The following TNFRSF1B variants were observed in gnomAD, a reference collection of about 807,000 sequenced individuals.
TNFRSF1B encodes tumor necrosis factor receptor superfamily member 1B.
Under a neutral mutation model 44.6 loss-of-function variants are expected in TNFRSF1B, and 19 were observed. The ratio of observed to expected loss-of-function variants is 0.43; its 90% confidence interval spans 0.30 to 0.62. The LOEUF (loss-of-function observed/expected upper bound fraction) is 0.62. TNFRSF1B is among the 20% of genes least tolerant of loss of function. The pLI, the probability that TNFRSF1B is intolerant of heterozygous loss-of-function variation, is 0.16. For synonymous variants in TNFRSF1B, 252 were observed against 261.1 expected (o/e 0.97, Z 0.34); for missense variants, 541 against 619.9 (o/e 0.87, Z 1.35).
rs777939128 is a variant in TNFRSF1B, at chr1:12,187,404, C to T, written c.79-1392C>T. Among the ~76,000 whole-genome samples the T allele has an allele frequency of 2.0e-5, 3 of 152,178 alleles. No individual in the cohort carries two copies. Among genetic ancestry groups the T allele is most frequent in the East Asian group, 1.9e-4 (1 of 5,180 alleles). ...TTGACCTCAAGTGATCCACCTGCTTCGGCCTCCCAAAGTGCTGGGATTACA... is the reference window on the plus strand; with the variant it reads ...TTGACCTCAAGTGATCCACCTGCTTTGGCCTCCCAAAGTGCTGGGATTACA... On this transcript the variant is annotated intron_variant, in intron 1 of 9. Coordinates refer to ENST00000376259, the MANE Select transcript of TNFRSF1B (RefSeq NM_001066.3). The surrounding 1 kb of genome is among the most constrained non-coding windows in gnomAD (Gnocchi z 5.5).
chr1:12,178,055 C>G lies in TNFRSF1B; in HGVS notation c.79-10741C>G, dbSNP rs922413484. 6.6e-6 allele frequency among the ~76,000 whole-genome samples: 1 copy of G among 152,220 alleles called. No individual in the cohort carries two copies. The highest frequency in any genetic ancestry group is 6.5e-5 in the Admixed American group (1 of 15,284). ...TCCTGAGCGCTATGCCTACCTCACC[C>G]TCCAATGAGGTGGTGGTGGAGGAGA... On this transcript the variant is annotated intron_variant, in intron 1 of 9. Transcript: ENST00000376259. The surrounding 1 kb of genome is among the most constrained non-coding windows in gnomAD (Gnocchi z 4.3).
At position 12,206,830 on chromosome 1, in the gene TNFRSF1B, C is replaced by T. The variant is rs780013560; in HGVS notation, c.1196C>T (p.Ser399Phe). The T allele has an allele frequency of 6.2e-7, 1 of 1,614,216 alleles. No homozygotes were observed. The highest frequency in any genetic ancestry group is 8.5e-7 in the Non-Finnish European group (1 of 1,180,024). ...SSSDHSSQCS[S>F]QASSTMGDTD... Reference sequence around the variant, plus strand: ...TCTGACCACAGCTCACAGTGCTCCTCCCAAGCCAGCTCCACAATGGGAGAC... The same window carrying T: ...TCTGACCACAGCTCACAGTGCTCCTTCCAAGCCAGCTCCACAATGGGAGAC... The change falls in exon 10 of 10, where the codon TCC (serine) becomes TTC (phenylalanine). Residue 399 changes from serine (S) to phenylalanine (F), a missense_variant. Ser to Phe is a radical substitution (Grantham distance 155). Transcript: ENST00000376259.
chr1:12,206,375 AAAGAC>A (rs1639502815), intron 9 of TNFRSF1B, among the ~76,000 whole-genome samples: 1 of 151,742 alleles, frequency 6.6e-6, no homozygotes, highest in Admixed American at 6.6e-5. Flanking sequence ...AAAAAAAAAA[AAAGAC>A]AGAAGAGACA....
rs72863473 is a variant in TNFRSF1B, at chr1:12,177,364, G to A, written c.78+10195G>A. Among the ~76,000 whole-genome samples, 990 of 152,202 alleles carry A rather than the reference G, an allele frequency of 6.5e-3. 11 individuals are homozygous for A. Among genetic ancestry groups the A allele is most frequent in the African/African-American group, 0.022 (931 of 41,520 alleles). ...ATTTGTCCCTGGAGCTTTTGCAGTC[G>A]GTCACAGGGCCAGCCCGGTCCTGGT... On this transcript the variant is annotated intron_variant, in intron 1 of 9. Coordinates refer to ENST00000376259, the MANE Select transcript of TNFRSF1B (RefSeq NM_001066.3). The surrounding 1 kb of genome is among the most constrained non-coding windows in gnomAD (Gnocchi z 4.3).
intron 7 of TNFRSF1B, among the ~76,000 whole-genome samples, chr1:12,194,357 G>A (rs1017572270): frequency 2.0e-5 from 3 of 152,088 alleles, no homozygotes; most frequent in East Asian, 1.9e-4. Context: ...GGAAGGACAC[G>A]CATCCTCAGT....
chr1:12,176,075 C>T (rs1306568922), intron 1 of TNFRSF1B, among the ~76,000 whole-genome samples: 8 of 151,700 alleles, frequency 5.3e-5, no homozygotes, highest in Admixed American at 5.3e-4. Flanking sequence ...AAAAATTAGC[C>T]AGGCGTGGTG....
intron 9 of TNFRSF1B, among the ~76,000 whole-genome samples, chr1:12,204,244 G>C (rs1397099927): frequency 2.0e-5 from 3 of 152,104 alleles, no homozygotes; most frequent in Admixed American, 2.0e-4. Flanking sequence ...AAACCCCAGG[G>C]TTGTGCCCCT....
intron 1 of TNFRSF1B, among the ~76,000 whole-genome samples, chr1:12,179,419 C>T (rs1408145471): frequency 6.6e-6 from 1 of 152,226 alleles, no homozygotes; most frequent in Non-Finnish European, 1.5e-5. Context: ...CCTCTGCTGC[C>T]TCCCACCACG....
intron 1 of TNFRSF1B, among the ~76,000 whole-genome samples, chr1:12,181,592 T>TAGACCCTCTAACCTA (rs1553163189): frequency 6.6e-6 from 1 of 152,120 alleles, no homozygotes; most frequent in East Asian, 1.9e-4. Flanking sequence ...CATATGCACA[T>TAGACCCTCTAACCTA]AGACCCTCTA....
At chr1:12,205,922 C>A (rs1018798941) in intron 9 of TNFRSF1B, among the ~76,000 whole-genome samples, 1 of 152,120 alleles carries the variant, frequency 6.6e-6, no homozygotes, top group Non-Finnish European at 1.5e-5. Context: ...GCCACCCTGC[C>A]TGGTCCAGAA....
Position 12,201,785 on chromosome 1 carries a change from C to T in TNFRSF1B, c.901-182C>T, listed in dbSNP as rs5746050. On this transcript the variant is annotated intron_variant, in intron 8 of 9. Coordinates refer to ENST00000376259, the MANE Select transcript of TNFRSF1B (RefSeq NM_001066.3). Reference sequence around the variant, plus strand: ...GCTAATAACAGAAACACAGAAACCACGGAGAATCACACCTCCCAAAAAGTG... The same window carrying T: ...GCTAATAACAGAAACACAGAAACCATGGAGAATCACACCTCCCAAAAAGTG... 2.4e-4 allele frequency among the ~76,000 whole-genome samples: 36 copies of T among 152,286 alleles called. No homozygotes were observed. In the South Asian group the frequency reaches 7.3e-3, roughly 31 times the overall value.
chr1:12,190,458 CAAAAAAAAAAA>C (rs4044499), intron 2 of TNFRSF1B, among the ~76,000 whole-genome samples: 1 of 61,518 alleles, frequency 1.6e-5, no homozygotes, highest in Admixed American at 2.0e-4. Context: ...GATTCTGTCT[CAAAAAAAAAAA>C]AAAAAAAAAA....
intron 1 of TNFRSF1B, among the ~76,000 whole-genome samples, chr1:12,183,754 TAGCTAGCTAG>T (rs1557629304): frequency 5.8e-4 from 62 of 107,316 alleles, no homozygotes; most frequent in African/African-American, 1.5e-3. Context: ...TCTATCTAGC[TAGCTAGCTAG>T]CTAGCTATCT....
In TNFRSF1B at chr1:12,180,268, T is replaced by C. The variant is rs773588705; in HGVS notation, c.79-8528T>C. Among the ~76,000 whole-genome samples the C allele has an allele frequency of 3.9e-5, 6 of 152,112 alleles. No individual in the cohort carries two copies. The highest frequency in any genetic ancestry group is 2.1e-4 in the South Asian group (1 of 4,834). Reference sequence around the variant, plus strand: ...AACATAGCAAGACCCGGTCTCTTTCTATAAATGAAAAAATAATAATAAAGC... The same window carrying C: ...AACATAGCAAGACCCGGTCTCTTTCCATAAATGAAAAAATAATAATAAAGC... On this transcript the variant is annotated intron_variant, in intron 1 of 9. Coordinates refer to ENST00000376259, the MANE Select transcript of TNFRSF1B (RefSeq NM_001066.3). This position sits in a 1 kb window ranked among gnomAD's most constrained non-coding sequence, Gnocchi z 4.3.
chr1:12,168,566 G>T lies in TNFRSF1B; in HGVS notation c.78+1397G>T, dbSNP rs1391488322. Among the ~76,000 whole-genome samples the T allele has an allele frequency of 1.3e-5, 2 of 152,128 alleles. No individual in the cohort carries two copies. The highest frequency in any genetic ancestry group is 2.9e-5 in the Non-Finnish European group (2 of 68,018). On this transcript the variant is annotated intron_variant, in intron 1 of 9. Transcript: ENST00000376259. This position sits in a 1 kb window ranked among gnomAD's most constrained non-coding sequence, Gnocchi z 4.7. ...GGGGTCTTCCTGCCGCTGAGCTTGG[G>T]CCTGCCTGGGTGAACTCTGGGGTCA...
At chr1:12,200,154 T>C (rs1179551685) in intron 8 of TNFRSF1B, among the ~76,000 whole-genome samples, 1 of 152,164 alleles carries the variant, frequency 6.6e-6, no homozygotes, top group African/African-American at 2.4e-5. Flanking sequence ...TGCCTCAGTT[T>C]CCACAAAGCA....
At chr1:12,193,917 GT>G in intron 6 of TNFRSF1B, 37 bp from the exon 7 acceptor site, 1 of 1,586,620 alleles carries the variant, frequency 6.3e-7, no homozygotes, top group Non-Finnish European at 8.7e-7. Context: ...ATTTGAGTTT[GT>G]TTTCTGTAGC....
At chr1:12,197,102 C>A (rs1011101744) in intron 8 of TNFRSF1B, among the ~76,000 whole-genome samples, 2 of 152,110 alleles carry the variant, frequency 1.3e-5, no homozygotes, top group Admixed American at 1.3e-4. Context: ...CATGCGCCAC[C>A]ATGCCTGGCT....
intron 9 of TNFRSF1B, 51 bp from the exon 10 acceptor site, chr1:12,206,689 C>T (rs1391130108): frequency 6.0e-6 from 9 of 1,498,278 alleles, no homozygotes; most frequent in Non-Finnish European, 7.2e-6. Flanking sequence ...GGTCCCTGGG[C>T]CCCACTCCTG....
Sources: gnomAD v4.1 joint callset for allele counts (sites outside exome capture counted in the v4.1 genomes callset) on GRCh38, gnomAD v4.1.1 for gene constraint, Gnocchi (gnomAD v3.1) non-coding constraint, MANE v1.5 for transcripts, NCBI Gene and HGNC (gene_info 2026-07-23, HGNC 2026-07-21) for gene names.